Variants in DCSTAMP observed in about 807,000 individuals in gnomAD.
DCSTAMP encodes the protein dendrocyte expressed seven transmembrane protein, also known as dendritic cell-specific transmembrane protein.
A neutral mutation model predicts 33.8 loss-of-function variants in DCSTAMP; 25 were observed. The ratio of observed to expected loss-of-function variants is 0.74; its 90% CI spans 0.54 to 1.03. The LOEUF (loss-of-function observed/expected upper bound fraction) is 1.03, where lower values mean the gene tolerates loss of function less well. Ranked by LOEUF, DCSTAMP falls within the 50% of genes least tolerant of loss-of-function variation. The probability of loss-of-function intolerance (pLI) is 0.00; values close to 1 mark genes in which losing one functional copy is unlikely to be tolerated. For missense variants in DCSTAMP, 531 were observed against 556.8 expected (o/e 0.95, Z 0.47); for synonymous variants, 245 against 216.7 (o/e 1.13, Z -1.15).
chr8:104,350,340 C>T (rs72667459), intron 2 of DCSTAMP, among the ~76,000 whole-genome samples: 17,894 of 152,202 alleles, frequency 0.12, 1,126 homozygotes, highest in Admixed American at 0.16. Context: ...GCCTTCCTCT[C>T]ATCCTCAAGC....
intron 3 of DCSTAMP, 118 bp downstream of exon 3, chr8:104,355,303 G>A (rs1286729623): frequency 9.8e-7 from 1 of 1,024,606 alleles, no homozygotes; most frequent in South Asian, 1.7e-5. Flanking sequence ...TTGTACCCCA[G>A]CAGTAGATAG....
intron 1 of DCSTAMP, among the ~76,000 whole-genome samples, chr8:104,340,754 C>T (rs79682216): frequency 3.0e-3 from 459 of 152,270 alleles, no homozygotes; most frequent in African/African-American, 0.01. Context: ...CTCCGTTTGG[C>T]GCTCTTTTCC....
intron 2 of DCSTAMP, among the ~76,000 whole-genome samples, chr8:104,352,776 CA>C (rs1406480392): frequency 6.6e-6 from 1 of 152,154 alleles, no homozygotes; most frequent in Non-Finnish European, 1.5e-5. Flanking sequence ...ACACGTGAAA[CA>C]GTAGGGTGGT....
chr8:104,342,380 T>A (rs1339315211), intron 1 of DCSTAMP, among the ~76,000 whole-genome samples: 12 of 152,206 alleles, frequency 7.9e-5, no homozygotes, highest in South Asian at 2.1e-4. Flanking sequence ...AGCCAACAGT[T>A]TTTTAAGAAC....
chr8:104,349,544 T>C lies in DCSTAMP; in HGVS notation c.992T>C (p.Leu331Ser). ...IFSVSKQFQS[L>S]PGFEVHLKLH... is the part of the protein sequence containing the mutation. ...TCAGTGAGCAAGCAGTTTCAAAGCT[T>C]GCCAGGGTTTGAGGTTCACTTGAAA... Residue 331 changes from leucine (L) to serine (S), a missense_variant, in exon 2 of 4, where the codon TTG becomes TCG. Transcript: ENST00000297581. 6.2e-7 allele frequency: 1 copy of C among 1,613,762 alleles called. No homozygotes were observed. The highest frequency in any genetic ancestry group is 1.7e-4 in the Middle Eastern group (1 of 6,058).
At chr8:104,350,954 C>T (rs16871320) in intron 2 of DCSTAMP, among the ~76,000 whole-genome samples, 9,438 of 152,256 alleles carry the variant, frequency 0.062, 575 homozygotes, top group East Asian at 0.23. Context: ...CTGTTCTAAA[C>T]CCCTCACTCC....
chr8:104,351,190 C>T (rs1478680362), intron 2 of DCSTAMP, among the ~76,000 whole-genome samples: 1 of 149,540 alleles, frequency 6.7e-6, no homozygotes, highest in Non-Finnish European at 1.5e-5. Context: ...TCCATTTTCT[C>T]TGTGGATATT....
At chr8:104,344,289 A>G (rs1277229312) in intron 1 of DCSTAMP, among the ~76,000 whole-genome samples, 1 of 152,034 alleles carries the variant, frequency 6.6e-6, no homozygotes, top group Non-Finnish European at 1.5e-5. Context: ...AAGTGATTTG[A>G]TTTATTAAAA....
At chr8:104,350,114 A>T (rs1255792207) in intron 2 of DCSTAMP, among the ~76,000 whole-genome samples, 3 of 152,190 alleles carry the variant, frequency 2.0e-5, no homozygotes, top group East Asian at 1.9e-4. Context: ...CTATCTCAAG[A>T]TCTTTGACTT....
intron 2 of DCSTAMP, among the ~76,000 whole-genome samples, chr8:104,351,522 A>AAAGACTATCGCATAGGCAGAGT (rs1810463173): frequency 6.6e-6 from 1 of 152,256 alleles, no homozygotes; most frequent in South Asian, 2.1e-4. Context: ...ATAGGCAGAG[A>AAAGACTATCGCATAGGCAGAGT]AAGACTATCG....
chr8:104,340,499 A>ACCC (rs2099382602), intron 1 of DCSTAMP: 1 of 152,180 alleles, frequency 6.6e-6, no homozygotes, highest in African/African-American at 2.4e-5. Context: ...AGGAAAAGAA[A>ACCC]CCCTCCATTC....
chr8:104,343,618 A>C (rs543721503), intron 1 of DCSTAMP, among the ~76,000 whole-genome samples: 1 of 152,368 alleles, frequency 6.6e-6, no homozygotes, highest in Non-Finnish European at 1.5e-5. Flanking sequence ...CCCTATAAGA[A>C]GAGGAAAATG....
chr8:104,347,574 C>T (rs1340396296), intron 1 of DCSTAMP, among the ~76,000 whole-genome samples: 1 of 152,222 alleles, frequency 6.6e-6, no homozygotes, highest in South Asian at 2.1e-4. Flanking sequence ...GTACAGAATT[C>T]AGTGGCTTAA....
chr8:104,354,852 T>C (rs1588378837), intron 2 of DCSTAMP, 25 bp from the exon 3 acceptor site: 1 of 1,489,108 alleles, frequency 6.7e-7, no homozygotes, highest in Non-Finnish European at 9.2e-7. Context: ...GCATGCATCA[T>C]GATTATTTTA....
At chr8:104,341,416 G>A (rs960914340) in intron 1 of DCSTAMP, among the ~76,000 whole-genome samples, 38 of 152,204 alleles carry the variant, frequency 2.5e-4, no homozygotes, top group African/African-American at 7.5e-4. Context: ...TCAAAAAGGT[G>A]GCCAAACAGA....
chr8:104,349,865 G>T (rs1015509976), intron 2 of DCSTAMP, among the ~76,000 whole-genome samples: 1 of 152,158 alleles, frequency 6.6e-6, no homozygotes, highest in Non-Finnish European at 1.5e-5. Context: ...GGATAGTTCT[G>T]GGGGGAGAAG....
intron 1 of DCSTAMP, among the ~76,000 whole-genome samples, chr8:104,347,833 G>C (rs1159581554): frequency 6.6e-6 from 1 of 152,158 alleles, no homozygotes; most frequent in Admixed American, 6.5e-5. Flanking sequence ...ACCTCGCATG[G>C]TAAAAGGGAC....
chr8:104,343,248 C>T (rs932512131), intron 1 of DCSTAMP, among the ~76,000 whole-genome samples: 1 of 152,182 alleles, frequency 6.6e-6, no homozygotes, highest in Admixed American at 6.5e-5. Context: ...GTTGTTTAAC[C>T]TCTCTCAGCC....
Position 104,345,837 on chromosome 8 carries a change from A to G in DCSTAMP, c.-12-2704A>G, listed in dbSNP as rs368476486. On this transcript the variant is annotated intron_variant, in intron 1 of 3. Coordinates refer to ENST00000297581, the MANE Select transcript of DCSTAMP (RefSeq NM_030788.4). ...AGAAGAATCTGCTAGTTTGAGAGAT[A>G]TCCTTACAGAGTCAACTATTTTGAT... Among the ~76,000 whole-genome samples, 7 of 152,368 alleles carry G rather than the reference A, an allele frequency of 4.6e-5. No individual in the cohort carries two copies. The East Asian group carries it at 9.6e-4, about 21-fold the overall frequency.
Sources: gnomAD v4.1 joint callset for allele counts (sites outside exome capture counted in the v4.1 genomes callset) on GRCh38, gnomAD v4.1.1 for gene constraint, MANE v1.5 for transcripts, NCBI Gene and HGNC (gene_info 2026-07-23, HGNC 2026-07-21) for gene names.